Variants in COL19A1 observed in about 807,000 individuals in gnomAD.
COL19A1 encodes the protein collagen type XIX alpha 1 chain.
Under a neutral mutation model 190.2 loss-of-function variants are expected in COL19A1, and 159 were observed. The observed-to-expected ratio is 0.84, with a 90% CI of 0.73 to 0.95. The LOEUF is 0.95. Among genes scored for constraint, COL19A1 ranks in the 40% least tolerant of loss-of-function variants. COL19A1 has a pLI of 0.00. For missense variants in COL19A1, 1,418 were observed against 1,431.9 expected, an observed-to-expected ratio of 0.99 and a Z score of 0.16; for synonymous variants, 509 against 458.9, an observed-to-expected ratio of 1.11 and a Z score of -1.39.
intron 14 of COL19A1, among the ~76,000 whole-genome samples, chr6:70,043,019 G>C (rs1435243926): frequency 6.6e-6 from 1 of 152,012 alleles, no homozygotes; most frequent in African/African-American, 2.4e-5. Context: ...TCATCCGTGG[G>C]GTTTGGAATC....
At chr6:70,120,099 A>T (rs1784801705) in intron 16 of COL19A1, among the ~76,000 whole-genome samples, 1 of 152,182 alleles carries the variant, frequency 6.6e-6, no homozygotes. Flanking sequence ...TCAAAAAACA[A>T]CAACAAAAAG....
At chr6:70,116,762 C>T (rs1784604364) in intron 16 of COL19A1, among the ~76,000 whole-genome samples, 1 of 152,142 alleles carries the variant, frequency 6.6e-6, no homozygotes, top group African/African-American at 2.4e-5. Flanking sequence ...TTCCAACAAG[C>T]ATTCTATCTG....
At chr6:70,116,443 C>T (rs756239752) in intron 16 of COL19A1, among the ~76,000 whole-genome samples, 1 of 152,094 alleles carries the variant, frequency 6.6e-6, no homozygotes, top group Admixed American at 6.6e-5. Flanking sequence ...ACTCCTTGCC[C>T]TCACAAAGTT....
intron 15 of COL19A1, among the ~76,000 whole-genome samples, chr6:70,088,490 C>A (rs988972560): frequency 2.0e-5 from 3 of 151,976 alleles, no homozygotes; most frequent in Non-Finnish European, 4.4e-5. Flanking sequence ...ATAATATACA[C>A]CCTTCTAAAA....
intron 11 of COL19A1, among the ~76,000 whole-genome samples, chr6:70,022,703 G>A (rs1346303909): frequency 1.3e-5 from 2 of 152,066 alleles, no homozygotes; most frequent in East Asian, 1.9e-4. Context: ...TATCCACTGG[G>A]TTTGTCTATT....
At chr6:69,875,377 C>A (rs1024633457) in intron 1 of COL19A1, among the ~76,000 whole-genome samples, 1 of 152,096 alleles carries the variant, frequency 6.6e-6, no homozygotes, top group African/African-American at 2.4e-5. Flanking sequence ...AAGCTTGAAG[C>A]AAGGAAGTGA....
intron 31 of COL19A1, 70 bp downstream of exon 31, chr6:70,151,508 G>A: frequency 6.8e-7 from 1 of 1,481,148 alleles, no homozygotes; most frequent in Non-Finnish European, 9.4e-7. Flanking sequence ...ATATTTAGCA[G>A]AAATTGAGTC....
intron 49 of COL19A1, among the ~76,000 whole-genome samples, chr6:70,201,530 A>T (rs78976104): frequency 0.023 from 3,493 of 152,276 alleles, 69 homozygotes; most frequent in South Asian, 0.056. Context: ...AGATATCCCC[A>T]CATGATTTCC....
chr6:70,107,809 G>A (rs566071644), intron 16 of COL19A1, among the ~76,000 whole-genome samples: 11 of 152,060 alleles, frequency 7.2e-5, no homozygotes, highest in Non-Finnish European at 1.2e-4. Flanking sequence ...TTTTTCTCCC[G>A]AGATTTACAG....
intron 48 of COL19A1, among the ~76,000 whole-genome samples, chr6:70,194,768 G>A (rs916929387): frequency 1.3e-5 from 2 of 152,000 alleles, no homozygotes; most frequent in Non-Finnish European, 2.9e-5. Context: ...ACCAACCTTT[G>A]CAGAAATGTG....
At chr6:69,877,624 A>T (rs1193341974) in intron 1 of COL19A1, among the ~76,000 whole-genome samples, 1 of 152,166 alleles carries the variant, frequency 6.6e-6, no homozygotes, top group Non-Finnish European at 1.5e-5. Flanking sequence ...ATTCAGAAGG[A>T]AAAACAGACT....
intron 4 of COL19A1, among the ~76,000 whole-genome samples, chr6:69,920,547 C>A (rs1376323457): frequency 1.3e-5 from 2 of 152,152 alleles, no homozygotes; most frequent in Non-Finnish European, 2.9e-5. Context: ...TCCCAGGCAG[C>A]AATTTTCCCT....
intron 12 of COL19A1, among the ~76,000 whole-genome samples, chr6:70,027,502 C>A (rs188295774): frequency 2.6e-5 from 4 of 151,920 alleles, no homozygotes; most frequent in African/African-American, 4.8e-5. Flanking sequence ...CAGTAGCAGC[C>A]CCTAGTCATT....
chr6:70,064,641 T>C (rs1489101668), intron 14 of COL19A1, among the ~76,000 whole-genome samples: 1 of 152,080 alleles, frequency 6.6e-6, no homozygotes, highest in African/African-American at 2.4e-5. Context: ...AAATAAAGGG[T>C]ATTCAATTAG....
chr6:69,999,392 G>T (rs1303012690), intron 11 of COL19A1, among the ~76,000 whole-genome samples: 1 of 152,056 alleles, frequency 6.6e-6, no homozygotes, highest in East Asian at 1.9e-4. Context: ...TAAATAGCTA[G>T]ATGTCATGGT....
At chr6:70,138,978 C>T (rs754796320) in intron 19 of COL19A1, among the ~76,000 whole-genome samples, 13 of 152,126 alleles carry the variant, frequency 8.5e-5, no homozygotes, top group Non-Finnish European at 1.6e-4. Context: ...AGCTGCTTCT[C>T]TAGGTCTCCA....
chr6:70,032,813 A>T (rs906055633), intron 12 of COL19A1, among the ~76,000 whole-genome samples: 5 of 152,162 alleles, frequency 3.3e-5, no homozygotes, highest in African/African-American at 9.6e-5. Context: ...TTATTGAATA[A>T]ATAAGTGAAA....
In COL19A1 at chr6:70,168,187, C is replaced by T. The variant is rs535919856; in HGVS notation, c.2513C>T (p.Pro838Leu). 1 of 1,612,474 alleles carries T rather than the reference C, an allele frequency of 6.2e-7. No homozygotes were observed. Among genetic ancestry groups the T allele is most frequent in the Non-Finnish European group, 8.5e-7 (1 of 1,179,328 alleles). Residue 838 changes from proline to leucine, a missense_variant, in exon 39 of 51, where the codon CCC (proline) becomes CTC (leucine). Pro to Leu is a moderately conservative substitution (Grantham distance 98, BLOSUM62 -3). Coordinates refer to ENST00000620364, the MANE Select transcript of COL19A1 (RefSeq NM_001858.6). ...LYKIKGGVNV[P>L]SYPGPPGPPG... ...CTTTTGAAGGGAGGTGTGAATGTTC[C>T]CAGTTACCCAGGGCCACCCGGTCCT...
At chr6:70,108,768 C>T (rs916291456) in intron 16 of COL19A1, among the ~76,000 whole-genome samples, 1 of 152,076 alleles carries the variant, frequency 6.6e-6, no homozygotes, top group African/African-American at 2.4e-5. Flanking sequence ...TCCAACAAAA[C>T]ATATGCTTCT....
Sources: allele counts gnomAD v4.1 joint callset (sites outside exome capture counted in the v4.1 genomes callset), GRCh38; gene constraint gnomAD v4.1.1; transcripts MANE v1.5; gene names NCBI Gene and HGNC (gene_info 2026-07-23, HGNC 2026-07-21).